The following PKD1L1 variants were observed in gnomAD, a reference collection of about 807,000 sequenced individuals.
PKD1L1 encodes polycystin 1 like 1, transient receptor potential channel interacting, also known as polycystin-1-like protein 1.
Under a neutral mutation model 323.4 loss-of-function variants are expected in PKD1L1, and 236 were observed. The observed-to-expected ratio is 0.73, with a 90% CI of 0.66 to 0.81. The LOEUF (loss-of-function observed/expected upper bound fraction) is 0.81, where lower values mean the gene tolerates loss of function less well. PKD1L1 is among the 40% of genes least tolerant of loss of function. The pLI, the probability that PKD1L1 is intolerant of heterozygous loss-of-function variation, is 0.00. For synonymous variants in PKD1L1, 1,344 were observed against 1,335.0 expected, an observed-to-expected ratio of 1.01 and a Z score of -0.15; for missense variants, 3,320 against 3,508.0, an observed-to-expected ratio of 0.95 and a Z score of 1.35.
the PKD1L1 span, among the ~76,000 whole-genome samples, chr7:47,953,544 CACT>C: frequency 1.3e-5 from 2 of 152,218 alleles, no homozygotes; most frequent in African/African-American, 2.4e-5. Flanking sequence ...GTTGGAGCAC[CACT>C]GTTTCTCTTG....
chr7:47,922,166 G>A (rs1459238292), intron 7 of PKD1L1, among the ~76,000 whole-genome samples: 2 of 152,200 alleles, frequency 1.3e-5, no homozygotes, highest in Non-Finnish European at 2.9e-5. Flanking sequence ...TACCAGCCTC[G>A]GCCTCCCGAG....
Position 47,905,914 on chromosome 7 carries a change from G to C in PKD1L1, c.1451C>G (p.Ser484Cys). 1 of 1,613,494 alleles carries C rather than the reference G, an allele frequency of 6.2e-7. No homozygotes were observed. Among genetic ancestry groups the C allele is most frequent in the South Asian group, 1.1e-5 (1 of 90,982 alleles). The change falls in exon 10 of 57, where the codon TCC becomes TGC. Residue 484 changes from serine (S) to cysteine (C), a missense_variant. By Grantham distance (112) the Ser-to-Cys change is moderately radical. Coordinates refer to ENST00000289672, the MANE Select transcript of PKD1L1 (RefSeq NM_138295.5). ...ACCCACTTGAGTCTGAGAAATAAAG[G>C]ACACGTTATATGAAGGAATAGATGG... ...HFPSIPSYNV[S>C]FISQTQVGDS...
Position 47,839,457 on chromosome 7 carries a change from C to T in PKD1L1, c.5758G>A (p.Gly1920Ser), listed in dbSNP as rs772098035. Residue 1920 changes from glycine (G) to serine (S), a missense_variant, in exon 36 of 57, where the codon GGC (glycine) becomes AGC (serine). Transcript: ENST00000289672. This position sits in a 1 kb window ranked among gnomAD's most constrained non-coding sequence, Gnocchi z 4.3. ...RELTCLQGGL[G>S]FRKLFYCKFT... ...TGGAGGGAGCCTACCTTCCGGAAGC[C>T]GAGTCCCCCTTGCAGACAGGTGAGC... 1.9e-5 allele frequency: 31 copies of T among 1,608,992 alleles called. No homozygotes were observed. The highest frequency in any genetic ancestry group is 6.7e-5 in the East Asian group (3 of 44,778).
intron 7 of PKD1L1, among the ~76,000 whole-genome samples, chr7:47,922,737 G>A (rs1442262279): frequency 3.3e-5 from 5 of 151,328 alleles, no homozygotes; most frequent in African/African-American, 7.3e-5. Flanking sequence ...CCGGCCAGCC[G>A]CCCCGTTGGG....
At chr7:47,821,563 C>T (rs766185922) in intron 45 of PKD1L1, among the ~76,000 whole-genome samples, 3 of 151,954 alleles carry the variant, frequency 2.0e-5, no homozygotes, top group Admixed American at 6.6e-5. Flanking sequence ...GTCACCATGC[C>T]GGGCCAGAAG....
At chr7:47,905,726 A>G in intron 10 of PKD1L1, 117 bp downstream of exon 10, 2 of 1,396,652 alleles carry the variant, frequency 1.4e-6, no homozygotes, top group Non-Finnish European at 9.8e-7. Context: ...TTCAATGACA[A>G]ATGGGGCTCT....
intron 30 of PKD1L1, among the ~76,000 whole-genome samples, chr7:47,854,191 G>A (rs755550325): frequency 6.6e-6 from 1 of 152,134 alleles, no homozygotes; most frequent in South Asian, 2.1e-4. Flanking sequence ...CAGCGCCTGT[G>A]TAAGATACAG....
intron 46 of PKD1L1, among the ~76,000 whole-genome samples, chr7:47,819,146 G>A (rs976948340): frequency 2.6e-5 from 4 of 152,132 alleles, no homozygotes; most frequent in South Asian, 2.1e-4. Flanking sequence ...GACGGAGAGG[G>A]TCCACTTTAA....
intron 21 of PKD1L1, among the ~76,000 whole-genome samples, chr7:47,880,414 T>C (rs1348336184): frequency 6.7e-6 from 1 of 149,242 alleles, no homozygotes; most frequent in Admixed American, 6.6e-5. Flanking sequence ...CTCGAATAGC[T>C]GGGATTACAG....
At chr7:47,880,436 C>G (rs1482989039) in intron 21 of PKD1L1, among the ~76,000 whole-genome samples, 3 of 150,462 alleles carry the variant, frequency 2.0e-5, no homozygotes, top group African/African-American at 7.4e-5. Flanking sequence ...CACCCGCCAC[C>G]ATGCCCGGCA....
At chr7:47,842,652 G>A (rs1785585336) in intron 34 of PKD1L1, among the ~76,000 whole-genome samples, 1 of 152,140 alleles carries the variant, frequency 6.6e-6, no homozygotes, top group South Asian at 2.1e-4. Context: ...GCTCAGAAGA[G>A]TACAACTCAT....
At chr7:47,829,630 A>T (rs1785303644) in intron 43 of PKD1L1, 29 bp from the exon 44 acceptor site, 1 of 1,583,066 alleles carries the variant, frequency 6.3e-7, no homozygotes, top group African/African-American at 1.4e-5. Context: ...CAGCGCAGAG[A>T]GCCGCCCTAT....
chr7:47,856,534 A>T (rs559788043), intron 28 of PKD1L1, among the ~76,000 whole-genome samples: 1 of 152,312 alleles, frequency 6.6e-6, no homozygotes, highest in Admixed American at 6.5e-5. Flanking sequence ...TCATTTTCCT[A>T]GTGTAGATTC....
Position 47,902,049 on chromosome 7 carries a change from GAAAAGAAAAA to G in PKD1L1, c.2064+320_2064+329del, listed in dbSNP as rs200607385. ...GAAAGGAAAGGAAAAGAAAAGAAAAGAAAAGAAAAAAAAGAAAAGAAAAGAGCTCCTTAAA... is the reference window on the plus strand; with the variant it reads ...GAAAGGAAAGGAAAAGAAAAGAAAAGAAAGAAAAGAAAAGAGCTCCTTAAA... On this transcript the variant is annotated intron_variant, in intron 13 of 56. Transcript: ENST00000289672. 0.11 allele frequency among the ~76,000 whole-genome samples: 16,945 copies of G among 151,688 alleles called. 1,092 individuals are homozygous for G. The highest frequency in any genetic ancestry group is 0.25 in the East Asian group (1,279 of 5,136).
the PKD1L1 span, among the ~76,000 whole-genome samples, chr7:47,955,325 G>C: frequency 9.2e-5 from 14 of 152,318 alleles, no homozygotes; most frequent in South Asian, 2.9e-3. Flanking sequence ...ATTGCCGAGT[G>C]AATGTGTAAG....
upstream of PKD1L1, chr7:47,948,571 A>G (rs1788149353): frequency 2.5e-6 from 2 of 810,584 alleles, no homozygotes; most frequent in Non-Finnish European, 4.0e-6. Context: ...GACACACATC[A>G]AACACAGAGG....
chr7:47,838,960 G>A (rs1785512536), intron 36 of PKD1L1, among the ~76,000 whole-genome samples: 1 of 151,978 alleles, frequency 6.6e-6, no homozygotes, highest in African/African-American at 2.4e-5. Flanking sequence ...TTGTATATAG[G>A]GAAAGACGGA....
In PKD1L1 at chr7:47,943,477, C is replaced by T; in HGVS notation, c.79G>A (p.Gly27Ser). 1.2e-6 allele frequency: 2 copies of T among 1,613,296 alleles called. No individual in the cohort carries two copies. The highest frequency in any genetic ancestry group is 1.7e-6 in the Non-Finnish European group (2 of 1,179,512). The change falls in exon 2 of 57, where the codon GGT becomes AGT. Residue 27 changes from glycine to serine, a missense_variant. By Grantham distance (56) the Gly-to-Ser change is moderately conservative (BLOSUM62 0). Transcript: ENST00000289672. ...TTGTCAGTGCTCACAGACAGCTCAC[C>T]ACCAAAGGAAAGGCAGCAGGCAGCC... The part of the protein sequence containing the change: ...LQAACCLSFG[G>S]ELSVSTDKSW...
At position 47,782,120 on chromosome 7, in the gene PKD1L1, G is replaced by C. The variant is rs961591699; in HGVS notation, c.8527-6954C>G. 2.0e-5 allele frequency among the ~76,000 whole-genome samples: 3 copies of C among 152,134 alleles called. No homozygotes were observed. The South Asian group carries it at 6.2e-4, about 32-fold the overall frequency. ...AACCACCTTCTGTGCAAGGCATCCA[G>C]TTCCTCCCCTCTCCACTCTGACCCA... On this transcript the variant is annotated intron_variant, in intron 56 of 56. Coordinates refer to ENST00000289672, the MANE Select transcript of PKD1L1 (RefSeq NM_138295.5).
Sources: gnomAD v4.1 joint callset for allele counts (sites outside exome capture counted in the v4.1 genomes callset) on GRCh38, gnomAD v4.1.1 for gene constraint, Gnocchi (gnomAD v3.1) non-coding constraint, MANE v1.5 for transcripts, NCBI Gene and HGNC (gene_info 2026-07-23, HGNC 2026-07-21) for gene names.